MAPKAP1: variants seen among roughly 807,000 people sequenced by gnomAD.
MAPKAP1 encodes the protein target of rapamycin complex 2 subunit MAPKAP1.
A neutral mutation model predicts 65.7 loss-of-function variants in MAPKAP1; 20 were observed. The ratio of observed to expected loss-of-function variants is 0.30; its 90% confidence interval spans 0.21 to 0.44. The LOEUF (loss-of-function observed/expected upper bound fraction) is 0.44. MAPKAP1 is among the 20% of genes least tolerant of loss of function. MAPKAP1 has a pLI of 1.00. For synonymous variants in MAPKAP1, 222 were observed against 244.3 expected, an observed-to-expected ratio of 0.91 and a Z score of 0.85; for missense variants, 423 against 648.0, an observed-to-expected ratio of 0.65 and a Z score of 3.77.
chr9:125,629,031 C>T (rs542211658), intron 4 of MAPKAP1, among the ~76,000 whole-genome samples: 1 of 150,672 alleles, frequency 6.6e-6, no homozygotes, highest in East Asian at 2.0e-4. Flanking sequence ...CATACTTACA[C>T]CTGTTAGGAT....
chr9:125,463,228 T>C (rs1427145964), intron 10 of MAPKAP1, among the ~76,000 whole-genome samples: 1 of 152,252 alleles, frequency 6.6e-6, no homozygotes, highest in African/African-American at 2.4e-5. Context: ...AAAGGAAATC[T>C]GCGACTGCAG....
intron 5 of MAPKAP1, among the ~76,000 whole-genome samples, chr9:125,578,622 A>T (rs1354190339): frequency 1.3e-5 from 2 of 152,200 alleles, no homozygotes; most frequent in African/African-American, 4.8e-5. Context: ...TGAAGCAAAG[A>T]AACAGGCAAG....
intron 4 of MAPKAP1, among the ~76,000 whole-genome samples, chr9:125,626,720 C>A (rs774031637): frequency 6.6e-6 from 1 of 152,158 alleles, no homozygotes; most frequent in African/African-American, 2.4e-5. Flanking sequence ...CACATCCTAA[C>A]CAGATTTACC....
At chr9:125,604,338 A>C (rs191812657) in intron 4 of MAPKAP1, among the ~76,000 whole-genome samples, 1 of 152,354 alleles carries the variant, frequency 6.6e-6, no homozygotes, top group African/African-American at 2.4e-5. Flanking sequence ...CTATTTTTCA[A>C]TTAAAGGTCC....
rs199704644 is a variant in MAPKAP1, at chr9:125,559,740, C to T, written c.741G>A (p.Pro247=). The T allele has an allele frequency of 3.0e-5, 49 of 1,613,702 alleles. No homozygotes were observed. In the East Asian group the frequency reaches 4.9e-4, roughly 16 times the overall value. Residue 247 remains proline, a synonymous_variant, in exon 6 of 12, where the codon CCG becomes CCA. Transcript: ENST00000265960. ...TATGAATGGGCTCATTGGAATCCAG[C>T]GGGGGGAAATCGGTGTCCACCTCCC... is the stretch of plus-strand genomic sequence containing the variant. ...DDGEVDTDFP[P]LDSNEPIHKF... is the part of the protein sequence containing the mutation.
chr9:125,643,506 T>C (rs981668335), intron 4 of MAPKAP1, among the ~76,000 whole-genome samples: 1 of 152,176 alleles, frequency 6.6e-6, no homozygotes, highest in African/African-American at 2.4e-5. Context: ...ATACATGCTA[T>C]TTTTTAATCT....
chr9:125,501,896 T>G (rs932785733), intron 8 of MAPKAP1, among the ~76,000 whole-genome samples: 1 of 152,186 alleles, frequency 6.6e-6, no homozygotes, highest in African/African-American at 2.4e-5. Context: ...TGTGTTTCTC[T>G]TCCTTGTTTT....
chr9:125,589,858 G>A (rs1273303646), intron 4 of MAPKAP1, among the ~76,000 whole-genome samples: 1 of 152,100 alleles, frequency 6.6e-6, no homozygotes, highest in Non-Finnish European at 1.5e-5. Context: ...TCTCTGTCTC[G>A]TATGCAAACA....
intron 9 of MAPKAP1, among the ~76,000 whole-genome samples, chr9:125,476,212 C>T (rs1050720512): frequency 3.3e-5 from 5 of 152,158 alleles, no homozygotes; most frequent in Middle Eastern, 3.2e-3. Context: ...AAAGTGGTAA[C>T]GGAGTTTTCT....
chr9:125,664,877 T>G (rs921088226), intron 3 of MAPKAP1, among the ~76,000 whole-genome samples: 14 of 152,114 alleles, frequency 9.2e-5, no homozygotes, highest in African/African-American at 3.4e-4. Flanking sequence ...GGGGTCAAAC[T>G]GTCCAGGAGG....
At position 125,622,515 on chromosome 9, in the gene MAPKAP1, G is replaced by A. The variant is rs1030473021; in HGVS notation, c.498+35136C>T. Among the ~76,000 whole-genome samples the A allele has an allele frequency of 4.0e-5, 6 of 151,784 alleles. No homozygotes were observed. In the East Asian group the frequency reaches 5.8e-4, roughly 15 times the overall value. Reference sequence around the variant, plus strand: ...GGCTGGAGTGCAGTGGCGTGATCTCGGCTCACTGCAACCTCTGCCCCCCGG... The same window carrying A: ...GGCTGGAGTGCAGTGGCGTGATCTCAGCTCACTGCAACCTCTGCCCCCCGG... On this transcript the variant is annotated intron_variant, in intron 4 of 11. Transcript: ENST00000265960.
intron 4 of MAPKAP1, among the ~76,000 whole-genome samples, chr9:125,644,212 G>C (rs74916994): frequency 3.9e-5 from 6 of 152,252 alleles, no homozygotes; most frequent in African/African-American, 1.4e-4. Flanking sequence ...TCCTAAGGCA[G>C]GTGTCTAATG....
intron 4 of MAPKAP1, among the ~76,000 whole-genome samples, chr9:125,614,194 T>C (rs958879169): frequency 6.6e-6 from 1 of 152,242 alleles, no homozygotes; most frequent in Non-Finnish European, 1.5e-5. Context: ...CCAGGTTTAC[T>C]TGTGAACAAA....
At chr9:125,448,967 A>G (rs1852827234) in intron 10 of MAPKAP1, among the ~76,000 whole-genome samples, 1 of 149,170 alleles carries the variant, frequency 6.7e-6, no homozygotes, top group Non-Finnish European at 1.5e-5. Flanking sequence ...ATTGTGCCAC[A>G]GCACTCTGGC....
intron 3 of MAPKAP1, among the ~76,000 whole-genome samples, chr9:125,668,357 G>C (rs1458894997): frequency 6.6e-6 from 1 of 152,198 alleles, no homozygotes; most frequent in East Asian, 1.9e-4. Flanking sequence ...CACTGCAATA[G>C]AGGTAATGCA....
chr9:125,443,873 T>A (rs1351238036), intron 11 of MAPKAP1, among the ~76,000 whole-genome samples: 1 of 152,168 alleles, frequency 6.6e-6, no homozygotes, highest in African/African-American at 2.4e-5. Context: ...GTCAGTTTAC[T>A]GTGACACACC....
At chr9:125,703,214 T>C (rs1835655967) in intron 1 of MAPKAP1, among the ~76,000 whole-genome samples, 1 of 152,150 alleles carries the variant, frequency 6.6e-6, no homozygotes, top group Non-Finnish European at 1.5e-5. Context: ...CTCATCCTAG[T>C]ACATAACAGG....
At chr9:125,518,971 A>AT (rs1162436259) in intron 7 of MAPKAP1, among the ~76,000 whole-genome samples, 2 of 152,210 alleles carry the variant, frequency 1.3e-5, no homozygotes, top group East Asian at 3.9e-4. Flanking sequence ...TTCCTATCAC[A>AT]TTTGGGTTTT....
intron 8 of MAPKAP1, among the ~76,000 whole-genome samples, chr9:125,485,071 T>C (rs890649130): frequency 1.3e-5 from 2 of 152,170 alleles, no homozygotes; most frequent in Admixed American, 6.5e-5. Context: ...TCGTTCCCCA[T>C]AGCAACCCTG....
Sources: gnomAD v4.1 joint callset for allele counts (sites outside exome capture counted in the v4.1 genomes callset) on GRCh38, gnomAD v4.1.1 for gene constraint, MANE v1.5 for transcripts, NCBI Gene and HGNC (gene_info 2026-07-23, HGNC 2026-07-21) for gene names.